Variants in TTC28 observed in about 807,000 individuals in gnomAD.
TTC28 encodes the protein tetratricopeptide repeat protein 28.
TTC28 carries 61 observed loss-of-function variants against 198.0 expected under a neutral mutation model. The observed-to-expected ratio is 0.31, with a 90% confidence interval of 0.25 to 0.38. The LOEUF is 0.38. Among genes scored for constraint, TTC28 ranks in the 10% least tolerant of loss-of-function variants. The probability of loss-of-function intolerance (pLI) is 1.00; values close to 1 mark genes in which losing one functional copy is unlikely to be tolerated. For synonymous variants in TTC28, 1,171 were observed against 1,297.8 expected (o/e 0.90, Z 2.10); for missense variants, 2,678 against 3,164.0 (o/e 0.85, Z 3.69).
At chr22:28,401,202 GGAGGAT>G (rs2046902204) in intron 2 of TTC28, among the ~76,000 whole-genome samples, 1 of 151,768 alleles carries the variant, frequency 6.6e-6, no homozygotes, top group Admixed American at 6.6e-5. Context: ...GGGAGGAGGA[GGAGGAT>G]GACGATGACG....
rs147216661 is a variant in TTC28 at position 28,661,588 on chromosome 22, T to C, written c.102+18034A>G. 2.8e-3 allele frequency among the ~76,000 whole-genome samples: 419 copies of C among 152,030 alleles called. 4 individuals are homozygous for C. Among genetic ancestry groups the C allele is most frequent in the Non-Finnish European group, 4.9e-3 (334 of 67,960 alleles). On this transcript the variant is annotated intron_variant, in intron 1 of 22. Transcript: ENST00000397906. ...GTACATGCCACCATACCCGGCTAAT[T>C]TGACTGATTGATAGACAGATAGTTT...
At chr22:28,611,506 T>TTTTTA (rs2050818666) in intron 2 of TTC28, among the ~76,000 whole-genome samples, 1 of 60,094 alleles carries the variant, frequency 1.7e-5, no homozygotes, top group Non-Finnish European at 3.5e-5. Context: ...TTTTTTTTAA[T>TTTTTA]TTTTTTTTTT....
At chr22:28,592,078 C>T (rs1478895009) in intron 2 of TTC28, among the ~76,000 whole-genome samples, 1 of 151,920 alleles carries the variant, frequency 6.6e-6, no homozygotes, top group Non-Finnish European at 1.5e-5. Flanking sequence ...GCAAGTTGGG[C>T]ATGGAAGGGC....
chr22:28,292,356 T>C (rs1361458448), intron 5 of TTC28, among the ~76,000 whole-genome samples: 1 of 152,008 alleles, frequency 6.6e-6, no homozygotes, highest in Non-Finnish European at 1.5e-5. Flanking sequence ...CCCAACTAAT[T>C]TCTGTATTTT....
intron 5 of TTC28, among the ~76,000 whole-genome samples, chr22:28,202,883 T>G (rs1926093239): frequency 6.6e-6 from 1 of 152,150 alleles, no homozygotes; most frequent in South Asian, 2.1e-4. Context: ...TGTCTCAAAT[T>G]TTCTCTTCTT....
chr22:28,339,479 G>T (rs952212635), intron 2 of TTC28, among the ~76,000 whole-genome samples: 1 of 152,226 alleles, frequency 6.6e-6, no homozygotes, highest in Non-Finnish European at 1.5e-5. Context: ...GCTATGCCCT[G>T]CCCCCAGAGG....
intron 2 of TTC28, among the ~76,000 whole-genome samples, chr22:28,495,373 A>T (rs556003338): frequency 1.3e-5 from 2 of 152,310 alleles, no homozygotes; most frequent in African/African-American, 4.8e-5. Context: ...AGTGCATCAG[A>T]ATTCTCAACA....
At chr22:28,112,304 T>C (rs930771584) in intron 6 of TTC28, among the ~76,000 whole-genome samples, 17 of 152,178 alleles carry the variant, frequency 1.1e-4, no homozygotes, top group African/African-American at 3.9e-4. Flanking sequence ...CTTAAGAGTC[T>C]GGGCTAGTTA....
rs191233191 is a variant in TTC28 at position 28,634,339 on chromosome 22, G to A, written c.103-4509C>T. Among the ~76,000 whole-genome samples, 113 of 151,854 alleles carry A rather than the reference G, an allele frequency of 7.4e-4. 1 individual carries two copies. In the Middle Eastern group the frequency reaches 0.01, roughly 14 times the overall value. ...ATTCTGGCCAACATGATAAAACCCC[G>A]TCTCTATTAAAAATACTAAAATTAG... On this transcript the variant is annotated intron_variant, in intron 1 of 22. Coordinates refer to ENST00000397906, the MANE Select transcript of TTC28 (RefSeq NM_001145418.2).
chr22:28,289,349 G>C (rs1237849606), intron 5 of TTC28, among the ~76,000 whole-genome samples: 1 of 152,134 alleles, frequency 6.6e-6, no homozygotes, highest in Non-Finnish European at 1.5e-5. Context: ...TTCCTGAATA[G>C]AGAACACTAT....
chr22:28,409,504 A>G (rs1035291244), intron 2 of TTC28, among the ~76,000 whole-genome samples: 1 of 151,374 alleles, frequency 6.6e-6, no homozygotes, highest in South Asian at 2.1e-4. Flanking sequence ...TCCTTGTACC[A>G]CTTTAAAAAA....
At chr22:28,406,934 A>G (rs2047006268) in intron 2 of TTC28, among the ~76,000 whole-genome samples, 1 of 152,208 alleles carries the variant, frequency 6.6e-6, no homozygotes, top group African/African-American at 2.4e-5. Context: ...TACTGGACCA[A>G]TTTTGGCCCT....
intron 5 of TTC28, among the ~76,000 whole-genome samples, chr22:28,286,912 A>T (rs183530623): frequency 6.6e-6 from 1 of 152,292 alleles, no homozygotes; most frequent in East Asian, 1.9e-4. Context: ...AAATAAATGG[A>T]AAAACCATGT....
At chr22:28,486,380 C>T (rs1002167860) in intron 2 of TTC28, among the ~76,000 whole-genome samples, 16 of 152,118 alleles carry the variant, frequency 1.1e-4, no homozygotes, top group African/African-American at 3.9e-4. Context: ...TAGCTGCACA[C>T]TGAGATGAAT....
intron 2 of TTC28, among the ~76,000 whole-genome samples, chr22:28,604,636 C>G (rs1847836599): frequency 6.6e-6 from 1 of 151,930 alleles, no homozygotes; most frequent in Non-Finnish European, 1.5e-5. Context: ...CCCAGCTACT[C>G]AGGAAGCTGA....
chr22:28,240,500 T>G (rs904878585), intron 5 of TTC28, among the ~76,000 whole-genome samples: 1 of 152,210 alleles, frequency 6.6e-6, no homozygotes, highest in Non-Finnish European at 1.5e-5. Flanking sequence ...TCTATAGGTA[T>G]ACATATGTAT....
intron 5 of TTC28, among the ~76,000 whole-genome samples, chr22:28,193,795 T>C (rs538199732): frequency 1.3e-5 from 2 of 152,230 alleles, no homozygotes; most frequent in South Asian, 4.2e-4. Flanking sequence ...ATCAAGTCCT[T>C]AGAGACCTAC....
chr22:28,459,854 T>G (rs1210201927), intron 2 of TTC28: 1 of 152,180 alleles, frequency 6.6e-6, no homozygotes, highest in Non-Finnish European at 1.5e-5. Flanking sequence ...TGTCCTCTGG[T>G]CTCAAACACT....
At chr22:28,316,757 T>A (rs756475730) in intron 2 of TTC28, among the ~76,000 whole-genome samples, 5 of 152,170 alleles carry the variant, frequency 3.3e-5, no homozygotes, top group Non-Finnish European at 5.9e-5. Context: ...GAAATATGAT[T>A]GAATTTTGCA....
Sources: gnomAD v4.1 joint callset for allele counts (sites outside exome capture counted in the v4.1 genomes callset) on GRCh38, gnomAD v4.1.1 for gene constraint, MANE v1.5 for transcripts, NCBI Gene and HGNC (gene_info 2026-07-23, HGNC 2026-07-21) for gene names.